The following IMMP1L variants were observed in gnomAD, a reference collection of about 807,000 sequenced individuals.
The protein encoded by IMMP1L is mitochondrial inner membrane protease subunit 1.
In IMMP1L, 24 loss-of-function variants were observed where a neutral mutation model predicts 21.8. The ratio of observed to expected loss-of-function variants is 1.10; its 90% CI spans 0.80 to 1.55. The LOEUF is 1.55. Ranked by LOEUF, IMMP1L falls within the 40% of genes most tolerant of loss-of-function variation. The pLI, the probability that IMMP1L is intolerant of heterozygous loss-of-function variation, is 0.00. For synonymous variants in IMMP1L, 46 were observed against 62.8 expected (o/e 0.73, Z 1.26); for missense variants, 195 against 200.7 (o/e 0.97, Z 0.17).
At chr11:31,494,647 CTTT>C (rs879666703) in intron 1 of IMMP1L, among the ~76,000 whole-genome samples, 1 of 147,142 alleles carries the variant, frequency 6.8e-6, no homozygotes, top group Non-Finnish European at 1.5e-5. Flanking sequence ...ATTTTCCAAA[CTTT>C]TTTTTTTTTG....
At chr11:31,466,266 C>T (rs563576580) in intron 1 of IMMP1L, among the ~76,000 whole-genome samples, 30 of 151,898 alleles carry the variant, frequency 2.0e-4, no homozygotes, top group African/African-American at 6.3e-4. Context: ...AAAGTGCTGG[C>T]AAGGATGTGG....
intron 4 of IMMP1L, chr11:31,448,846 A>T: frequency 1.8e-6 from 1 of 567,232 alleles, no homozygotes; most frequent in Non-Finnish European, 2.2e-6. Context: ...ATTATTCTTT[A>T]GTGTTGACAT....
chr11:31,494,773 G>C (rs1955378451), intron 1 of IMMP1L, among the ~76,000 whole-genome samples: 1 of 151,976 alleles, frequency 6.6e-6, no homozygotes, highest in Non-Finnish European at 1.5e-5. Flanking sequence ...AGCCTCCCAA[G>C]TAGCTGGGAC....
Position 31,452,239 on chromosome 11 carries a change from C to T in IMMP1L, c.321+4021G>A, listed in dbSNP as rs1024135813. The T allele has an allele frequency of 7.1e-6, 7 of 984,530 alleles. No homozygotes were observed. In the African/African-American group the frequency reaches 1.2e-4, roughly 17 times the overall value. The allele number at this position is 984,530 out of a possible 1,614,324, so 61.0% of individuals were successfully genotyped here. A position where few individuals can be genotyped will look rare whatever the true frequency, so the allele number is the denominator to read the frequency against. The stretch of plus-strand genomic sequence containing the variant: ...AACATGTTTGTTGATAGGAATTTAC[C>T]ATATTTCAAAATGCCTATTTCATAG... On this transcript the variant is annotated intron_variant, in intron 4 of 5. Transcript: ENST00000532287.
At chr11:31,444,477 TG>T (rs1471797031) in intron 4 of IMMP1L, among the ~76,000 whole-genome samples, 2 of 152,202 alleles carry the variant, frequency 1.3e-5, no homozygotes, top group Non-Finnish European at 2.9e-5. Context: ...TAATTAAAAA[TG>T]TACATTAATT....
At chr11:31,496,409 G>C (rs1284844460) in intron 1 of IMMP1L, among the ~76,000 whole-genome samples, 1 of 152,188 alleles carries the variant, frequency 6.6e-6, no homozygotes, top group East Asian at 1.9e-4. Context: ...GTGGAAAACA[G>C]TTTGGTGATA....
chr11:31,497,687 C>T (rs1955497400), intron 1 of IMMP1L, among the ~76,000 whole-genome samples: 1 of 152,110 alleles, frequency 6.6e-6, no homozygotes, highest in South Asian at 2.1e-4. Flanking sequence ...GTCTCGATCT[C>T]TTGACCTCGT....
Position 31,456,360 on chromosome 11 carries a change from G to C in IMMP1L, c.221C>G (p.Pro74Arg), listed in dbSNP as rs147462733. 6.2e-7 allele frequency: 1 copy of C among 1,610,754 alleles called. No individual in the cohort carries two copies. Among genetic ancestry groups the C allele is most frequent in the Admixed American group, 1.7e-5 (1 of 59,948 alleles). ...QRGDIVIAKS[P>R]SDPKSNICKR... ...ACAAATATTTGATTTTGGATCACTT[G>C]GGCTTTTTGCAATCACAATGTCACC... The change falls in exon 4 of 6, where the codon CCA becomes CGA. Residue 74 changes from proline (P) to arginine (R), a missense_variant. Pro to Arg is a moderately radical substitution (Grantham distance 103). Coordinates refer to ENST00000532287, the MANE Select transcript of IMMP1L (RefSeq NM_001304274.2).
At chr11:31,501,379 A>G (rs888657581) in intron 1 of IMMP1L, among the ~76,000 whole-genome samples, 55 of 152,192 alleles carry the variant, frequency 3.6e-4, no homozygotes, top group Non-Finnish European at 4.6e-4. Context: ...TGGATTAATG[A>G]AAATTATAAA....
chr11:31,494,723 G>T (rs1028147966), intron 1 of IMMP1L, among the ~76,000 whole-genome samples: 2 of 151,744 alleles, frequency 1.3e-5, no homozygotes, highest in Non-Finnish European at 2.9e-5. Flanking sequence ...CTCACTGCAA[G>T]CTCCACCTCC....
intron 1 of IMMP1L, among the ~76,000 whole-genome samples, chr11:31,488,784 C>T (rs1288722147): frequency 2.6e-5 from 4 of 152,194 alleles, no homozygotes; most frequent in Admixed American, 6.5e-5. Context: ...CAAAGCAATA[C>T]GTTTGACACT....
chr11:31,436,741 G>A (rs1953134758), intron 4 of IMMP1L, among the ~76,000 whole-genome samples: 1 of 151,950 alleles, frequency 6.6e-6, no homozygotes, highest in Non-Finnish European at 1.5e-5. Flanking sequence ...CATCGCTGGA[G>A]TAATATAATT....
intron 1 of IMMP1L, among the ~76,000 whole-genome samples, chr11:31,482,893 A>G (rs968791439): frequency 2.0e-5 from 3 of 152,064 alleles, no homozygotes; most frequent in Non-Finnish European, 2.9e-5. Context: ...AATACATATT[A>G]GAATGTTCAT....
intron 2 of IMMP1L, among the ~76,000 whole-genome samples, chr11:31,461,203 C>T (rs1954128125): frequency 1.3e-5 from 2 of 152,056 alleles, no homozygotes; most frequent in Admixed American, 6.6e-5. Context: ...GAGCTTATGC[C>T]CATCTTCCTC....
chr11:31,444,961 A>C (rs1953466002), intron 4 of IMMP1L, among the ~76,000 whole-genome samples: 2 of 152,154 alleles, frequency 1.3e-5, no homozygotes, highest in African/African-American at 4.8e-5. Flanking sequence ...CTTTCTATCC[A>C]TGCCTCCCAA....
intron 4 of IMMP1L, among the ~76,000 whole-genome samples, chr11:31,436,506 C>T (rs1953123310): frequency 6.6e-6 from 1 of 150,668 alleles, no homozygotes; most frequent in African/African-American, 2.4e-5. Flanking sequence ...GATCTCGGCT[C>T]ACTGCAACCT....
chr11:31,505,270 G>A (rs1955741175), intron 1 of IMMP1L, among the ~76,000 whole-genome samples: 1 of 152,050 alleles, frequency 6.6e-6, no homozygotes, highest in Admixed American at 6.6e-5. Context: ...GAAACATTGT[G>A]GACATGGAAA....
rs1955929198 is a variant in IMMP1L, at chr11:31,509,557, C to A, written c.-68G>T. 5.2e-6 allele frequency: 3 copies of A among 579,578 alleles called. No homozygotes were observed. The highest frequency in any genetic ancestry group is 9.2e-6 in the Non-Finnish European group (3 of 324,432). The allele number at this position is 579,578 out of a possible 1,614,324, so 35.9% of individuals were successfully genotyped here. A position where few individuals can be genotyped will look rare whatever the true frequency, so the allele number is the denominator to read the frequency against. On this transcript the variant is annotated 5_prime_UTR_variant, in exon 1 of 6. Coordinates refer to ENST00000532287, the MANE Select transcript of IMMP1L (RefSeq NM_001304274.2). ...GAACCCTGGAGACCCTCAACCAGGA[C>A]ACAGGTGGGCCTTTCTCACCTGGGC...
intron 1 of IMMP1L, among the ~76,000 whole-genome samples, chr11:31,490,752 C>G (rs942364348): frequency 1.3e-5 from 2 of 152,064 alleles, no homozygotes; most frequent in East Asian, 1.9e-4. Context: ...AATTCATGTT[C>G]ATCTGGAACC....
Sources: allele counts gnomAD v4.1 joint callset (sites outside exome capture counted in the v4.1 genomes callset), GRCh38; gene constraint gnomAD v4.1.1; transcripts MANE v1.5; gene names NCBI Gene and HGNC (gene_info 2026-07-23, HGNC 2026-07-21).